CNDP2: variants seen among roughly 807,000 people sequenced by gnomAD.
The protein encoded by CNDP2 is carnosine dipeptidase 2.
Under a neutral mutation model 55.0 loss-of-function variants are expected in CNDP2, and 38 were observed. That is an observed-to-expected ratio of 0.69 (90% CI 0.53 to 0.90). The LOEUF is 0.90. Among genes scored for constraint, CNDP2 ranks in the 40% least tolerant of loss-of-function variants. The pLI is 0.00. For synonymous variants in CNDP2, 241 were observed against 260.2 expected, an observed-to-expected ratio of 0.93 and a Z score of 0.71; for missense variants, 607 against 621.7, an observed-to-expected ratio of 0.98 and a Z score of 0.25.
intron 8 of CNDP2, among the ~76,000 whole-genome samples, chr18:74,515,371 T>C (rs1361181316): frequency 6.6e-6 from 1 of 152,132 alleles, no homozygotes; most frequent in Non-Finnish European, 1.5e-5. Context: ...TGGACAGTGA[T>C]GTCAGGGACC....
chr18:74,510,311 TTTTTCAC>T (rs1436916013), intron 5 of CNDP2, among the ~76,000 whole-genome samples: 2 of 152,194 alleles, frequency 1.3e-5, no homozygotes, highest in Non-Finnish European at 2.9e-5. Context: ...CACAACCTCA[TTTTTCAC>T]CTTTGGGTGT....
rs1174418128 is a variant in CNDP2 at position 74,512,497 on chromosome 18, T to C, written c.707T>C (p.Val236Ala). 1 of 1,614,006 alleles carries C rather than the reference T, an allele frequency of 6.2e-7. No homozygotes were observed. Among genetic ancestry groups the C allele is most frequent in the South Asian group, 1.1e-5 (1 of 91,066 alleles). ...CATTCTGGGGTGTACGGGGGCTCGG[T>C]GCATGAGGCCATGACTGATCTCATT... ...DLHSGVYGGS[V>A]HEAMTDLILL... Residue 236 changes from valine (V) to alanine (A), a missense_variant, in exon 7 of 12, where the codon GTG (valine) becomes GCG (alanine). By Grantham distance (64) the Val-to-Ala change is moderately conservative. Coordinates refer to ENST00000324262, the MANE Select transcript of CNDP2 (RefSeq NM_018235.3).
At position 74,499,884 on chromosome 18, in the gene CNDP2, C is replaced by A. The variant is rs574216479; in HGVS notation, c.-90C>A. ...CTGAACACGTGCTTTCTGGGCAGGT[C>A]GCCCCTCAGTCTCCACTAGAGACAG... On this transcript the variant is annotated splice_region_variant and 5_prime_UTR_variant, in exon 2 of 12. Coordinates refer to ENST00000324262, the MANE Select transcript of CNDP2 (RefSeq NM_018235.3). 8.8e-7 allele frequency: 1 copy of A among 1,142,030 alleles called. No homozygotes were observed. Among genetic ancestry groups the A allele is most frequent in the Non-Finnish European group, 1.3e-6 (1 of 774,660 alleles). The allele number at this position is 1,142,030 out of a possible 1,614,324, so 70.7% of individuals were successfully genotyped here. A position where few individuals can be genotyped will look rare whatever the true frequency, so the allele number is the denominator to read the frequency against.
At chr18:74,500,745 G>A (rs902790535) in intron 2 of CNDP2, among the ~76,000 whole-genome samples, 7 of 152,166 alleles carry the variant, frequency 4.6e-5, no homozygotes, top group Middle Eastern at 3.2e-3. Context: ...TGGGAGCATC[G>A]GCAAGCTACT....
intron 9 of CNDP2, chr18:74,517,524 GT>G (rs1405108870): frequency 6.6e-6 from 1 of 152,188 alleles, no homozygotes; most frequent in Non-Finnish European, 1.5e-5. Context: ...ATGCGGTCAG[GT>G]GCTATCTTAT....
intron 1 of CNDP2, among the ~76,000 whole-genome samples, chr18:74,497,080 T>A (rs569674958): frequency 6.6e-6 from 1 of 152,040 alleles, no homozygotes; most frequent in Non-Finnish European, 1.5e-5. Context: ...ATCTGTGAAA[T>A]AGAGACAATA....
rs1980120226 is a variant in CNDP2, at chr18:74,522,672, CT to C, written c.*2606del. 6.6e-6 allele frequency: 1 copy of C among 152,452 alleles called. No individual in the cohort carries two copies. The highest frequency in any genetic ancestry group is 2.4e-5 in the African/African-American group (1 of 41,474). 9.4% of individuals were successfully genotyped at this position (152,452 alleles called of 1,614,324 possible). The stretch of plus-strand genomic sequence containing the variant: ...TGTGGGATGACACAGCCAGAAGGCC[CT>C]TGCCAGGTTCCGGTCCCTCCACCTT... On this transcript the variant is annotated 3_prime_UTR_variant, in exon 12 of 12. Coordinates refer to ENST00000324262, the MANE Select transcript of CNDP2 (RefSeq NM_018235.3).
At chr18:74,505,598 CA>C (rs369659489) in intron 3 of CNDP2, among the ~76,000 whole-genome samples, 16,944 of 123,118 alleles carry the variant, frequency 0.14, 1,403 homozygotes, top group African/African-American at 0.3. Flanking sequence ...GATTCTGTCT[CA>C]AAAAAAAAAA....
chr18:74,506,431 G>A (rs937661075), intron 4 of CNDP2, among the ~76,000 whole-genome samples: 7 of 152,028 alleles, frequency 4.6e-5, no homozygotes, highest in South Asian at 2.1e-4. Context: ...CCACCACGCC[G>A]GGCACAGACT....
Position 74,523,450 on chromosome 18 carries a change from T to C in CNDP2, c.*3382T>C, listed in dbSNP as rs746900745. The C allele has an allele frequency of 6.6e-6, 1 of 152,230 alleles. No homozygotes were observed. The highest frequency in any genetic ancestry group is 1.5e-5 in the Non-Finnish European group (1 of 68,046). The allele number at this position is 152,230 out of a possible 1,614,324, so 9.4% of individuals were successfully genotyped here. On this transcript the variant is annotated 3_prime_UTR_variant, in exon 12 of 12. Transcript: ENST00000324262. ...AAATAAATACTGTTGTTTCAGCTGG[T>C]GTAATATGGGACCAGTTTTTTTTAA...
At chr18:74,511,078 C>A in intron 6 of CNDP2, 65 bp downstream of exon 6, 1 of 1,385,518 alleles carries the variant, frequency 7.2e-7, no homozygotes, top group Non-Finnish European at 9.9e-7. Flanking sequence ...CTCCCAAACG[C>A]AAAGTAGACA....
At chr18:74,499,595 T>G in intron 1 of CNDP2, 1 of 209,722 alleles carries the variant, frequency 4.8e-6, no homozygotes. Context: ...AGTGTAAAAA[T>G]TTTTATTAAA....
Position 74,513,462 on chromosome 18 carries a change from T to A in CNDP2, c.743-97T>A. The A allele has an allele frequency of 6.8e-6, 9 of 1,328,914 alleles. No individual in the cohort carries two copies. The South Asian group carries it at 1.2e-4, about 18-fold the overall frequency. The allele number at this position is 1,328,914 out of a possible 1,614,324, so 82.3% of individuals were successfully genotyped here. On this transcript the variant is annotated intron_variant, in intron 7 of 11. Coordinates refer to ENST00000324262, the MANE Select transcript of CNDP2 (RefSeq NM_018235.3). ...GTGGCTGTGGGGCCTGAGCCGCATC[T>A]CTCCTGAGCCTGGCTTCCTGGGGTC...
In CNDP2 at chr18:74,508,751, C is replaced by T. The variant is rs140233541; in HGVS notation, c.368-89C>T. ...GGAAGCCTCTCTCGTGTTTGCTTGG[C>T]TAAGGGGTTATCAGATGTGCACCTG... On this transcript the variant is annotated intron_variant, in intron 4 of 11. Transcript: ENST00000324262. 4.5e-4 allele frequency: 467 copies of T among 1,034,796 alleles called. 3 individuals carry two copies. In the African/African-American group the frequency reaches 6.4e-3, roughly 14 times the overall value. 64.1% of individuals were successfully genotyped at this position (1,034,796 alleles called of 1,614,324 possible). A position where few individuals can be genotyped will look rare whatever the true frequency, so the allele number is the denominator to read the frequency against.
Position 74,520,122 on chromosome 18 carries a change from C to A in CNDP2, c.*54C>A. On this transcript the variant is annotated 3_prime_UTR_variant, in exon 12 of 12. Transcript: ENST00000324262. ...GAGAAGGAATCCTGCCCTCACCTCACCCTTTTCCAACTTGCCCAGGGAAGT... is the reference window on the plus strand; with the variant it reads ...GAGAAGGAATCCTGCCCTCACCTCAACCTTTTCCAACTTGCCCAGGGAAGT... The A allele has an allele frequency of 6.4e-7, 1 of 1,571,886 alleles. No individual in the cohort carries two copies. Among genetic ancestry groups the A allele is most frequent in the Non-Finnish European group, 8.7e-7 (1 of 1,142,976 alleles).
intron 1 of CNDP2, chr18:74,499,300 G>A (rs921341313): frequency 6.6e-6 from 1 of 152,396 alleles, no homozygotes; most frequent in African/African-American, 2.4e-5. Flanking sequence ...TGTGAGTGGG[G>A]CGGAAGTTGC....
rs181763245 is a variant in CNDP2 at position 74,510,793 on chromosome 18, G to C, written c.457-20G>C. 6.2e-7 allele frequency: 1 copy of C among 1,606,452 alleles called. No homozygotes were observed. The highest frequency in any genetic ancestry group is 1.1e-5 in the South Asian group (1 of 90,668). On this transcript the variant is annotated intron_variant, in intron 5 of 11. Coordinates refer to ENST00000324262, the MANE Select transcript of CNDP2 (RefSeq NM_018235.3). Reference sequence around the variant, plus strand: ...GGTTCGCAAAGCTGAATATCCACTCGTGCTGTTCCCTTCTCACAGGAGATT... The same window carrying C: ...GGTTCGCAAAGCTGAATATCCACTCCTGCTGTTCCCTTCTCACAGGAGATT...
At chr18:74,505,663 G>A (rs1236080880) in intron 3 of CNDP2, among the ~76,000 whole-genome samples, 186 bp from the exon 4 acceptor site, 3 of 151,998 alleles carry the variant, frequency 2.0e-5, no homozygotes, top group African/African-American at 2.4e-5. Flanking sequence ...GTGCTCTGGA[G>A]TACAAGAAAG....
At chr18:74,506,103 GTT>G (rs1491314455) in intron 4 of CNDP2, 92 bp downstream of exon 4, 1 of 1,122,952 alleles carries the variant, frequency 8.9e-7, no homozygotes, top group Non-Finnish European at 1.2e-6. Flanking sequence ...AGTACAGACT[GTT>G]TTTATTTTAT....
Sources: allele counts gnomAD v4.1 joint callset (sites outside exome capture counted in the v4.1 genomes callset), GRCh38; gene constraint gnomAD v4.1.1; transcripts MANE v1.5; gene names NCBI Gene and HGNC (gene_info 2026-07-23, HGNC 2026-07-21).